The following ANKHD1 variants were observed in gnomAD, a reference collection of about 807,000 sequenced individuals.
The protein encoded by ANKHD1 is ankyrin repeat and KH domain containing 1.
ANKHD1 carries 31 observed loss-of-function variants against 230.5 expected under a neutral mutation model. The observed-to-expected ratio is 0.13, with a 90% confidence interval of 0.10 to 0.18. The LOEUF is 0.18. ANKHD1 is among the 10% of genes least tolerant of loss of function. The pLI is 1.00. For missense variants in ANKHD1, 2,256 were observed against 3,071.3 expected (o/e 0.73, Z 6.27); for synonymous variants, 1,074 against 1,117.6 (o/e 0.96, Z 0.78).
At position 140,528,687 on chromosome 5, in the gene ANKHD1, C is replaced by T. The variant is rs1189914283; in HGVS notation, c.5741C>T (p.Pro1914Leu). The change falls in exon 29 of 34, where the codon CCT becomes CTT. Residue 1914 changes from proline (P) to leucine (L), a missense_variant. Around this residue, in one of 13 missense-constraint regions of ANKHD1, gnomAD observed 778 missense variants for 966.5 expected, o/e 0.80. Coordinates refer to ENST00000360839, the MANE Select transcript of ANKHD1 (RefSeq NM_017747.3). The part of the protein sequence containing the change: ...SPKHNNTSRL[P>L]NQNGTVLPSE... Reference sequence around the variant, plus strand: ...AAGCATAATAACACAAGCCGTCTACCTAACCAGAACGGGACTGTTTTACCC... The same window carrying T: ...AAGCATAATAACACAAGCCGTCTACTTAACCAGAACGGGACTGTTTTACCC... 4 of 1,614,202 alleles carry T rather than the reference C, an allele frequency of 2.5e-6. No homozygotes were observed. In the South Asian group the frequency reaches 4.4e-5, roughly 18 times the overall value.
chr5:140,452,256 A>G (rs567970945), intron 7 of ANKHD1, among the ~76,000 whole-genome samples: 1 of 152,330 alleles, frequency 6.6e-6, no homozygotes, highest in East Asian at 1.9e-4. Flanking sequence ...CTGCTGCTCA[A>G]GGAGGCCTAC....
Position 140,535,447 on chromosome 5 carries a change from G to A in ANKHD1, c.6936G>A (p.Arg2312=), listed in dbSNP as rs766616484. The part of the protein sequence containing the change: ...LASFSGIPGT[R]VFLQGPAPVG... ...GTTTTTCCGGCATACCAGGAACAAG[G>A]GTTTTCCTGCAAGGGCCAGCTCCTG... is the stretch of plus-strand genomic sequence containing the variant. The change falls in exon 30 of 34, where the codon AGG becomes AGA. Residue 2312 remains arginine (R), a synonymous_variant. Coordinates refer to ENST00000360839, the MANE Select transcript of ANKHD1 (RefSeq NM_017747.3). 1.2e-6 allele frequency: 2 copies of A among 1,613,806 alleles called. No homozygotes were observed. Among genetic ancestry groups the A allele is most frequent in the Non-Finnish European group, 1.7e-6 (2 of 1,179,874 alleles).
rs1753577693 is a variant in ANKHD1, at chr5:140,525,809, C to T, written c.4493-187C>T. ...CAATATCGCACCACTGCATTCCAGC[C>T]TAGGCGACAGAGCAAGACTCCATCT... On this transcript the variant is annotated intron_variant, in intron 25 of 33. Transcript: ENST00000360839. Among the ~76,000 whole-genome samples the T allele has an allele frequency of 4.7e-5, 7 of 150,266 alleles. No homozygotes were observed. The South Asian group carries it at 1.5e-3, about 31-fold the overall frequency.
intron 5 of ANKHD1, among the ~76,000 whole-genome samples, chr5:140,442,336 G>A (rs939986722): frequency 6.6e-6 from 1 of 151,988 alleles, no homozygotes; most frequent in Non-Finnish European, 1.5e-5. Context: ...GAGCCACCAA[G>A]CCTGGCTGAG....
chr5:140,505,354 T>G, intron 17 of ANKHD1, 121 bp downstream of exon 17: 1 of 1,148,954 alleles, frequency 8.7e-7, no homozygotes, highest in Non-Finnish European at 1.2e-6. Flanking sequence ...ATATTTCAGT[T>G]AGGAATATCT....
chr5:140,464,762 G>T lies in ANKHD1; in HGVS notation c.1768G>T (p.Ala590Ser). 1 of 1,603,094 alleles carries T rather than the reference G, an allele frequency of 6.2e-7. No individual in the cohort carries two copies. The highest frequency in any genetic ancestry group is 8.5e-7 in the Non-Finnish European group (1 of 1,172,370). Residue 590 changes from alanine (A) to serine (S), a missense_variant, in exon 10 of 34, where the codon GCA becomes TCA. Transcript: ENST00000360839. ...HTDVADVLLQ[A>S]GADLEHESEG... ...GGATGTTGCAGATGTTTTACTTCAA[G>T]CAGGGGCTGATTTAGTAAGATATTT...
chr5:140,410,495 A>G (rs1234968315), intron 1 of ANKHD1, among the ~76,000 whole-genome samples: 1 of 152,238 alleles, frequency 6.6e-6, no homozygotes, highest in Non-Finnish European at 1.5e-5. Flanking sequence ...AGTTTTAAAC[A>G]GTTTTAGCCT....
In ANKHD1 at chr5:140,510,595, G is replaced by A. The variant is rs137890842; in HGVS notation, c.4104+414G>A. 4.6e-4 allele frequency among the ~76,000 whole-genome samples: 70 copies of A among 151,906 alleles called. 1 individual carries two copies. Among genetic ancestry groups the A allele is most frequent in the Middle Eastern group, 6.8e-3 (2 of 294 alleles). On this transcript the variant is annotated intron_variant, in intron 22 of 33. Transcript: ENST00000360839. ...CAAAGTGCTAGGATTACAGGCTCCC[G>A]ACCTTATCTTTCCATTCTTTTGTGG...
At chr5:140,496,454 TTC>T in intron 14 of ANKHD1, 64 bp from the exon 15 acceptor site, 7 of 1,126,848 alleles carry the variant, frequency 6.2e-6, no homozygotes, top group East Asian at 3.5e-5. Flanking sequence ...TTTTTTTTTT[TTC>T]TTTTCTTTTT....
chr5:140,510,316 T>TC (rs1381507485), intron 22 of ANKHD1, 135 bp downstream of exon 22: 4 of 1,265,940 alleles, frequency 3.2e-6, no homozygotes, highest in Non-Finnish European at 4.1e-6. Context: ...ATTCTTTTTT[T>TC]TTTTTTTTTT....
Position 140,539,478 on chromosome 5 carries a change from G to T in ANKHD1, c.*60G>T. 6.5e-7 allele frequency: 1 copy of T among 1,532,470 alleles called. No homozygotes were observed. The highest frequency in any genetic ancestry group is 8.8e-7 in the Non-Finnish European group (1 of 1,137,626). The allele number at this position is 1,532,470 out of a possible 1,614,324, so 94.9% of individuals were successfully genotyped here. A position where few individuals can be genotyped will look rare whatever the true frequency, so the allele number is the denominator to read the frequency against. ...AAACCTATGACCTTGGAAGAACCAT[G>T]GGGATTTTTTTTTAATGTGCCTAAG... On this transcript the variant is annotated 3_prime_UTR_variant, in exon 34 of 34. Transcript: ENST00000360839.
intron 1 of ANKHD1, among the ~76,000 whole-genome samples, chr5:140,406,811 C>T (rs979438526): frequency 6.6e-6 from 1 of 152,072 alleles, no homozygotes; most frequent in Admixed American, 6.6e-5. Context: ...GCTGGGATTA[C>T]AGCCGTGAGT....
chr5:140,496,443 C>CTTTTTTTTTTTTTTTTTTTTTT, intron 14 of ANKHD1, 77 bp from the exon 15 acceptor site: 4 of 718,958 alleles, frequency 5.6e-6, no homozygotes, highest in East Asian at 5.6e-5. Flanking sequence ...GGCTGGTTTT[C>CTTTTTTTTTTTTTTTTTTTTTT]TTTTTTTTTT....
chr5:140,521,068 G>A (rs1303549874), intron 24 of ANKHD1, among the ~76,000 whole-genome samples: 1 of 151,966 alleles, frequency 6.6e-6, no homozygotes, highest in African/African-American at 2.4e-5. Context: ...TACTGAGTTT[G>A]GAAATTATAT....
chr5:140,476,884 G>A (rs1408640424), intron 10 of ANKHD1, among the ~76,000 whole-genome samples: 4 of 152,182 alleles, frequency 2.6e-5, no homozygotes, highest in Non-Finnish European at 5.9e-5. Flanking sequence ...TCAGAAGGAT[G>A]TGTTAGAGAG....
At chr5:140,464,830 A>T in intron 10 of ANKHD1, 54 bp downstream of exon 10, 1 of 1,492,948 alleles carries the variant, frequency 6.7e-7, no homozygotes, top group Non-Finnish European at 9.1e-7. Context: ...ATCCATTTAT[A>T]CTTAACATTT....
In ANKHD1 at chr5:140,464,733, A is replaced by G; in HGVS notation, c.1739A>G (p.His580Arg). Residue 580 changes from histidine (H) to arginine (R), a missense_variant, in exon 10 of 34, where the codon CAT (histidine) becomes CGT (arginine). His to Arg is a conservative substitution (Grantham distance 29). Transcript: ENST00000360839. ...TTAACCTATGCTTGTGAAAATGGAC[A>G]TACGGATGTTGCAGATGTTTTACTT... ...TALTYACENG[H>R]TDVADVLLQA... is the part of the protein sequence containing the mutation. 1 of 1,609,606 alleles carries G rather than the reference A, an allele frequency of 6.2e-7. No individual in the cohort carries two copies. Among genetic ancestry groups the G allele is most frequent in the Non-Finnish European group, 8.5e-7 (1 of 1,176,616 alleles).
rs1554084045 is a variant in ANKHD1, at chr5:140,419,784, T to TTCTC, written c.307-16317_307-16316insCTCT. On this transcript the variant is annotated intron_variant, in intron 1 of 33. Coordinates refer to ENST00000360839, the MANE Select transcript of ANKHD1 (RefSeq NM_017747.3). ...TTCTCTTTCCTTTCTTTTTCTTTCTTTCTTTCTTTCTTTCTTTCTTTCTTT... is the reference window on the plus strand; with the variant it reads ...TTCTCTTTCCTTTCTTTTTCTTTCTTTCTCTCTTTCTTTCTTTCTTTCTTTCTTT... Among the ~76,000 whole-genome samples, 92 of 68,616 alleles carry TTCTC rather than the reference T, an allele frequency of 1.3e-3. 3 individuals carry two copies. The South Asian group carries it at 0.035, about 26-fold the overall frequency. 45.0% of individuals were successfully genotyped at this position (68,616 alleles called of 152,430 possible).
chr5:140,427,552 A>AC (rs1229484273), intron 1 of ANKHD1, among the ~76,000 whole-genome samples: 5 of 106,388 alleles, frequency 4.7e-5, no homozygotes, highest in Non-Finnish European at 7.6e-5. Flanking sequence ...CGGGGGGCTG[A>AC]CCCCCCCACC....
Sources: allele counts gnomAD v4.1 joint callset (sites outside exome capture counted in the v4.1 genomes callset), GRCh38; gene constraint gnomAD v4.1.1; regional missense constraint gnomAD v4.1.1; transcripts MANE v1.5; gene names NCBI Gene and HGNC (gene_info 2026-07-23, HGNC 2026-07-21).